SLC13A1: variants seen among roughly 807,000 people sequenced by gnomAD.
SLC13A1 encodes Na(+)/sulfate cotransporter.
A neutral mutation model predicts 70.0 loss-of-function variants in SLC13A1; 65 were observed. The observed-to-expected ratio is 0.93, with a 90% confidence interval of 0.76 to 1.14. The LOEUF is 1.14. SLC13A1 is among the 50% of genes most tolerant of loss of function. The probability of loss-of-function intolerance (pLI) is 0.00; values close to 1 mark genes in which losing one functional copy is unlikely to be tolerated. For missense variants in SLC13A1, 726 were observed against 717.8 expected (o/e 1.01, Z -0.13); for synonymous variants, 275 against 250.5 (o/e 1.10, Z -0.92).
chr7:123,184,628 T>G (rs1028375978), intron 1 of SLC13A1, among the ~76,000 whole-genome samples: 1 of 151,896 alleles, frequency 6.6e-6, no homozygotes, highest in Non-Finnish European at 1.5e-5. Context: ...TCTGTCTCTG[T>G]CTCTCTCTCT....
chr7:123,181,275 C>A, intron 1 of SLC13A1, 174 bp from the exon 2 acceptor site: 2 of 527,860 alleles, frequency 3.8e-6, no homozygotes, highest in Middle Eastern at 3.2e-4. Flanking sequence ...TTCTAAGAAG[C>A]AAAATTTAAT....
intron 8 of SLC13A1, among the ~76,000 whole-genome samples, chr7:123,133,528 T>C (rs1475923688): frequency 1.3e-5 from 2 of 152,190 alleles, no homozygotes; most frequent in South Asian, 2.1e-4. Flanking sequence ...TTCTAATCTT[T>C]ATTTTTATTT....
rs527966557 is a variant in SLC13A1 at position 123,115,386 on chromosome 7, T to G, written c.*132A>C. ...GAGTTATAACAGCAGGTTTCGGGTATTCACAGGAATTGCAGCAGCTACACC... is the reference window on the plus strand; with the variant it reads ...GAGTTATAACAGCAGGTTTCGGGTAGTCACAGGAATTGCAGCAGCTACACC... On this transcript the variant is annotated 3_prime_UTR_variant, in exon 15 of 15. Transcript: ENST00000194130. 5 of 875,090 alleles carry G rather than the reference T, an allele frequency of 5.7e-6. No homozygotes were observed. In the East Asian group the frequency reaches 1.3e-4, roughly 23 times the overall value. The allele number at this position is 875,090 out of a possible 1,614,324, so 54.2% of individuals were successfully genotyped here. A position where few individuals can be genotyped will look rare whatever the true frequency, so the allele number is the denominator to read the frequency against.
intron 9 of SLC13A1, 103 bp from the exon 10 acceptor site, chr7:123,129,049 C>T (rs1793662291): frequency 5.0e-6 from 4 of 795,248 alleles, no homozygotes. Context: ...GAACACTAAA[C>T]ACTGTAAGAA....
chr7:123,199,869 C>A lies in SLC13A1; in HGVS notation c.78G>T (p.Leu26=). The change falls in exon 1 of 15, where the codon CTG becomes CTT. Residue 26 remains leucine (L), a synonymous_variant. Transcript: ENST00000194130. ...TCACCTTGGTGTGGAGGACGATGGG[C>A]AGAGGTAGTAAAACCAACACAGTGA... ...VVFTVLVLLP[L]PIVLHTKEAE... 6.2e-7 allele frequency: 1 copy of A among 1,612,502 alleles called. No individual in the cohort carries two copies. Among genetic ancestry groups the A allele is most frequent in the Non-Finnish European group, 8.5e-7 (1 of 1,178,892 alleles).
chr7:123,142,638 C>CTTTTTTTTTTTTTT (rs753775300), intron 7 of SLC13A1, among the ~76,000 whole-genome samples: 2 of 118,824 alleles, frequency 1.7e-5, no homozygotes, highest in African/African-American at 6.7e-5. Context: ...GGGGCAAGAA[C>CTTTTTTTTTTTTTT]TTTTTTTTTT....
At chr7:123,159,253 GT>G (rs1171532926) in intron 6 of SLC13A1, among the ~76,000 whole-genome samples, 1 of 152,130 alleles carries the variant, frequency 6.6e-6, no homozygotes, top group Middle Eastern at 3.2e-3. Flanking sequence ...ATATTCGTAT[GT>G]TGAAGCTCTA....
chr7:123,151,328 TCAAAA>T (rs1794547019), intron 6 of SLC13A1, among the ~76,000 whole-genome samples: 1 of 151,266 alleles, frequency 6.6e-6, no homozygotes, highest in South Asian at 2.1e-4. Flanking sequence ...AAGACCCGTC[TCAAAA>T]CAAAACAAAA....
chr7:123,122,199 T>G (rs1403733865), intron 12 of SLC13A1, among the ~76,000 whole-genome samples: 1 of 151,916 alleles, frequency 6.6e-6, no homozygotes, highest in Admixed American at 6.6e-5. Context: ...AGCAAAGGAG[T>G]ATCTTCCAAT....
At chr7:123,194,239 C>T (rs565953003) in intron 1 of SLC13A1, among the ~76,000 whole-genome samples, 52 of 152,196 alleles carry the variant, frequency 3.4e-4, no homozygotes, top group African/African-American at 1.0e-3. Flanking sequence ...CAGCCTGAGC[C>T]TTCCTTCCCA....
At chr7:123,188,413 T>C (rs1349217934) in intron 1 of SLC13A1, among the ~76,000 whole-genome samples, 2 of 152,166 alleles carry the variant, frequency 1.3e-5, no homozygotes, top group Non-Finnish European at 2.9e-5. Context: ...ACACCAACAA[T>C]GTTCAGAAAT....
At chr7:123,153,225 C>T (rs1472817839) in intron 6 of SLC13A1, among the ~76,000 whole-genome samples, 1 of 152,006 alleles carries the variant, frequency 6.6e-6, no homozygotes, top group African/African-American at 2.4e-5. Flanking sequence ...GAATTAACCA[C>T]ACATTTTTTA....
intron 2 of SLC13A1, among the ~76,000 whole-genome samples, chr7:123,179,679 C>T (rs1402391602): frequency 6.6e-6 from 1 of 152,112 alleles, no homozygotes; most frequent in East Asian, 1.9e-4. Flanking sequence ...GTTTCTATGT[C>T]CCTTCCCATA....
intron 7 of SLC13A1, among the ~76,000 whole-genome samples, chr7:123,137,907 A>G (rs1479901277): frequency 6.6e-6 from 1 of 152,134 alleles, no homozygotes; most frequent in Admixed American, 6.6e-5. Flanking sequence ...TTTATCCTTT[A>G]TGTTACAAAC....
chr7:123,149,689 G>A (rs937442233), intron 6 of SLC13A1: 3 of 448,310 alleles, frequency 6.7e-6, no homozygotes, highest in African/African-American at 6.0e-5. Context: ...GGTAGAAAGA[G>A]TATCATTTTA....
chr7:123,142,435 G>A (rs969865753), intron 7 of SLC13A1, among the ~76,000 whole-genome samples: 2 of 152,070 alleles, frequency 1.3e-5, no homozygotes, highest in African/African-American at 2.4e-5. Flanking sequence ...GCTCTACACC[G>A]CTGTGGCCAA....
At chr7:123,164,270 TA>T (rs1374494203) in intron 6 of SLC13A1, among the ~76,000 whole-genome samples, 1 of 151,972 alleles carries the variant, frequency 6.6e-6, no homozygotes, top group East Asian at 1.9e-4. Flanking sequence ...GGGCCATTAT[TA>T]TTTTTTTCTA....
chr7:123,182,049 T>C (rs924795288), intron 1 of SLC13A1, among the ~76,000 whole-genome samples: 4 of 152,154 alleles, frequency 2.6e-5, no homozygotes, highest in Admixed American at 2.6e-4. Context: ...TTCTAAGATA[T>C]CCTTAATAAG....
chr7:123,146,005 C>T (rs1042057138), intron 7 of SLC13A1, among the ~76,000 whole-genome samples: 14 of 152,122 alleles, frequency 9.2e-5, no homozygotes, highest in African/African-American at 3.1e-4. Flanking sequence ...TCAATTGTGT[C>T]TGTCTTCTTG....
Sources: allele counts gnomAD v4.1 joint callset (sites outside exome capture counted in the v4.1 genomes callset), GRCh38; gene constraint gnomAD v4.1.1; transcripts MANE v1.5; gene names NCBI Gene and HGNC (gene_info 2026-07-23, HGNC 2026-07-21).